HESX1: variants seen among roughly 807,000 people sequenced by gnomAD.
HESX1 encodes the protein homeobox expressed in ES cells 1.
In HESX1, 11 loss-of-function variants were observed where a neutral mutation model predicts 22.5. The observed-to-expected ratio is 0.49, with a 90% CI of 0.31 to 0.81. HESX1 has a LOEUF of 0.81. HESX1 is among the 30% of genes least tolerant of loss of function. HESX1 has a pLI of 0.05. For synonymous variants in HESX1, 74 were observed against 76.5 expected, an observed-to-expected ratio of 0.97 and a Z score of 0.17; for missense variants, 201 against 212.6, an observed-to-expected ratio of 0.95 and a Z score of 0.34.
intron 1 of HESX1, among the ~76,000 whole-genome samples, chr3:57,216,801 G>A (rs919177472): frequency 6.6e-6 from 1 of 152,116 alleles, no homozygotes; most frequent in African/African-American, 2.4e-5. Flanking sequence ...TTTCTCCACT[G>A]TAAAGTTACT....
chr3:57,217,202 T>C (rs1197461518), intron 1 of HESX1, among the ~76,000 whole-genome samples: 1 of 152,158 alleles, frequency 6.6e-6, no homozygotes, highest in South Asian at 2.1e-4. Context: ...TTCGTTGCCA[T>C]TGGGGGCATC....
At chr3:57,205,164 T>C (rs1019682606) in intron 1 of HESX1, among the ~76,000 whole-genome samples, 2 of 152,148 alleles carry the variant, frequency 1.3e-5, no homozygotes, top group Admixed American at 1.3e-4. Context: ...ATCCCAGCAT[T>C]TTGGGAGGCT....
chr3:57,226,710 G>T (rs1219269415), upstream of HESX1, among the ~76,000 whole-genome samples: 1 of 152,212 alleles, frequency 6.6e-6, no homozygotes, highest in Non-Finnish European at 1.5e-5. Context: ...GAACCAGGCA[G>T]CTAATTAATC....
chr3:57,222,397 T>C (rs2060620523), intron 1 of HESX1, among the ~76,000 whole-genome samples: 1 of 152,158 alleles, frequency 6.6e-6, no homozygotes, highest in South Asian at 2.1e-4. Flanking sequence ...TAACTGGGAC[T>C]ACAGGCATGT....
intron 1 of HESX1, among the ~76,000 whole-genome samples, chr3:57,222,107 C>A (rs189051484): frequency 1.3e-5 from 2 of 152,036 alleles, no homozygotes; most frequent in African/African-American, 2.4e-5. Context: ...CTTGGAAGCA[C>A]GTGTGAATTA....
At chr3:57,227,305 C>T (rs987425753), upstream of HESX1, among the ~76,000 whole-genome samples, 3 of 152,206 alleles carry the variant, frequency 2.0e-5, no homozygotes, top group Non-Finnish European at 2.9e-5. Context: ...AGTTAGTCAG[C>T]ACCATTCTGC....
intron 1 of HESX1, among the ~76,000 whole-genome samples, chr3:57,208,541 G>A (rs2060533217): frequency 6.6e-6 from 1 of 151,704 alleles, no homozygotes; most frequent in East Asian, 2.0e-4. Context: ...GTAGAGATGA[G>A]GTTTCACCGT....
intron 1 of HESX1, among the ~76,000 whole-genome samples, 161 bp from the exon 2 acceptor site, chr3:57,199,113 T>C (rs2060467354): frequency 6.6e-6 from 1 of 152,192 alleles, no homozygotes; most frequent in Admixed American, 6.5e-5. Flanking sequence ...AAAATGAAGA[T>C]CCTGTCTTGG....
upstream of HESX1, among the ~76,000 whole-genome samples, chr3:57,204,720 GC>G (rs1486460611): frequency 6.6e-6 from 1 of 151,284 alleles, no homozygotes; most frequent in East Asian, 2.0e-4. Flanking sequence ...GATCCCTTGA[GC>G]CCAGGAGGTA....
chr3:57,198,863 T>C lies in HESX1; in HGVS notation c.247A>G (p.Arg83Gly), dbSNP rs1310497452. 1 of 1,614,190 alleles carries C rather than the reference T, an allele frequency of 6.2e-7. No homozygotes were observed. Among genetic ancestry groups the C allele is most frequent in the Admixed American group, 1.7e-5 (1 of 60,028 alleles). The change falls in exon 2 of 4, where the codon AGA (arginine) becomes GGA (glycine). Residue 83 changes from arginine (R) to glycine (G), a missense_variant. Transcript: ENST00000295934. Reference sequence around the variant, plus strand: ...AAGTAATTTTCATATTTCGAAGCTCTTTCTTCTGGCATTGGGTGATCCACC... The same window carrying C: ...AAGTAATTTTCATATTTCGAAGCTCCTTCTTCTGGCATTGGGTGATCCACC... ...SVVDHPMPEERASKYENYFSA... is the reference protein window; with the variant it reads ...SVVDHPMPEEGASKYENYFSA...
At position 57,199,785 on chromosome 3, in the gene HESX1, C is replaced by G. The variant is rs775911468; in HGVS notation, c.134G>C (p.Trp45Ser). The change falls in exon 1 of 4, where the codon TGG becomes TCG. Residue 45 changes from tryptophan to serine, a missense_variant. By Grantham distance (177) the Trp-to-Ser change is radical. Coordinates refer to ENST00000295934, the MANE Select transcript of HESX1 (RefSeq NM_003865.3). ...CVPLMKPHRP[W>S]ADTCSSSGKD... ...ACCTGATGAGCTGCAGGTGTCTGCC[C>G]AGGGCCTGTGGGGTTTCATTAATGG... 2.5e-6 allele frequency: 4 copies of G among 1,614,128 alleles called. No homozygotes were observed. The South Asian group carries it at 3.3e-5, about 13-fold the overall frequency.
intron 1 of HESX1, among the ~76,000 whole-genome samples, chr3:57,214,952 A>G (rs1050539996): frequency 2.0e-5 from 3 of 152,208 alleles, no homozygotes; most frequent in African/African-American, 7.2e-5. Flanking sequence ...ATTTCTAATT[A>G]TATACACAAA....
At chr3:57,208,910 A>T (rs1239994460) in intron 1 of HESX1, among the ~76,000 whole-genome samples, 1 of 151,846 alleles carries the variant, frequency 6.6e-6, no homozygotes, top group Non-Finnish European at 1.5e-5. Context: ...CAGTGAGCTG[A>T]TATCATGCCA....
intron 1 of HESX1, among the ~76,000 whole-genome samples, chr3:57,223,266 G>A (rs981479509): frequency 7.9e-5 from 12 of 152,138 alleles, no homozygotes; most frequent in Non-Finnish European, 1.5e-4. Context: ...CCACAGAAGG[G>A]CTATGATGCT....
At chr3:57,204,661 C>T (rs138815312), upstream of HESX1, among the ~76,000 whole-genome samples, 126 of 152,148 alleles carry the variant, frequency 8.3e-4, no homozygotes, top group African/African-American at 2.9e-3. Context: ...TGGCTGGGCA[C>T]AGTGGCTCAT....
intron 1 of HESX1, among the ~76,000 whole-genome samples, chr3:57,208,833 T>C (rs2060534741): frequency 1.3e-5 from 2 of 151,720 alleles, no homozygotes; most frequent in Admixed American, 1.3e-4. Context: ...TGGTGGCACA[T>C]GCCTGTAATC....
chr3:57,208,534 G>A (rs2060533205), intron 1 of HESX1, among the ~76,000 whole-genome samples: 1 of 151,738 alleles, frequency 6.6e-6, no homozygotes, highest in South Asian at 2.1e-4. Context: ...TTTTTTAGTA[G>A]AGATGAGGTT....
chr3:57,209,339 A>T (rs1242385086), intron 1 of HESX1, among the ~76,000 whole-genome samples: 1 of 152,198 alleles, frequency 6.6e-6, no homozygotes, highest in Non-Finnish European at 1.5e-5. Context: ...AGAAGTATAG[A>T]ACAATACTGA....
rs559805025 is a variant in HESX1 at position 57,198,148 on chromosome 3, T to G, written c.*49A>C. ...TTTAACACTTAATATTTCCACTGAT[T>G]CTTCATGCTCTGCAATTAGAAGATA... On this transcript the variant is annotated 3_prime_UTR_variant, in exon 4 of 4. Coordinates refer to ENST00000295934, the MANE Select transcript of HESX1 (RefSeq NM_003865.3). 52 of 1,129,746 alleles carry G rather than the reference T, an allele frequency of 4.6e-5. 3 individuals carry two copies. The South Asian group carries it at 6.4e-4, about 14-fold the overall frequency. 70.0% of individuals were successfully genotyped at this position (1,129,746 alleles called of 1,614,324 possible). A position where few individuals can be genotyped will look rare whatever the true frequency, so the allele number is the denominator to read the frequency against.
Sources: allele counts gnomAD v4.1 joint callset (sites outside exome capture counted in the v4.1 genomes callset), GRCh38; gene constraint gnomAD v4.1.1; transcripts MANE v1.5; gene names NCBI Gene and HGNC (gene_info 2026-07-23, HGNC 2026-07-21).